Variants in KCNN2 observed in about 807,000 individuals in gnomAD.
KCNN2 encodes potassium calcium-activated channel subfamily N member 2, also known as small conductance calcium-activated potassium channel protein 2.
KCNN2 carries 24 observed loss-of-function variants against 55.5 expected under a neutral mutation model. The observed-to-expected ratio is 0.43, with a 90% CI of 0.31 to 0.61. The LOEUF (loss-of-function observed/expected upper bound fraction) is 0.61. KCNN2 is among the 20% of genes least tolerant of loss of function. The pLI is 0.08. For missense variants in KCNN2, 754 were observed against 853.6 expected (o/e 0.88, Z 1.45); for synonymous variants, 431 against 336.1 (o/e 1.28, Z -3.09).
At chr5:114,394,259 A>G (rs1014835485) in intron 2 of KCNN2, among the ~76,000 whole-genome samples, 2 of 152,156 alleles carry the variant, frequency 1.3e-5, no homozygotes, top group Admixed American at 6.5e-5. Flanking sequence ...ATTTGTTTCT[A>G]TAAGTTTAAG....
intron 1 of KCNN2, among the ~76,000 whole-genome samples, chr5:114,135,619 A>G (rs1218394297): frequency 6.6e-6 from 1 of 152,248 alleles, no homozygotes; most frequent in Non-Finnish European, 1.5e-5. Context: ...CCCACGGTTG[A>G]GCATCCATCC....
At chr5:114,427,967 G>C (rs1296173761) in intron 3 of KCNN2, among the ~76,000 whole-genome samples, 15 of 152,192 alleles carry the variant, frequency 9.9e-5, no homozygotes, top group Admixed American at 9.2e-4. Flanking sequence ...ACATCATAAT[G>C]GGCATTTGCT....
intron 2 of KCNN2, among the ~76,000 whole-genome samples, chr5:114,391,351 A>G (rs1414680462): frequency 6.6e-6 from 1 of 152,188 alleles, no homozygotes; most frequent in Non-Finnish European, 1.5e-5. Flanking sequence ...GTGTTAATGC[A>G]TACTAATCAT....
chr5:114,311,912 A>G (rs1016052988), intron 2 of KCNN2, among the ~76,000 whole-genome samples: 1 of 152,192 alleles, frequency 6.6e-6, no homozygotes, highest in African/African-American at 2.4e-5. Context: ...GAGGCCTAAT[A>G]AAATGAGGAA....
intron 4 of KCNN2, among the ~76,000 whole-genome samples, chr5:114,472,562 A>G (rs923013671): frequency 3.3e-5 from 5 of 151,686 alleles, no homozygotes; most frequent in African/African-American, 9.7e-5. Context: ...GAAGCAGTGT[A>G]TATGCTGAGA....
intron 1 of KCNN2, among the ~76,000 whole-genome samples, chr5:114,073,815 C>T (rs1750625880): frequency 6.6e-6 from 1 of 152,178 alleles, no homozygotes; most frequent in African/African-American, 2.4e-5. Context: ...AAAGCAATTT[C>T]AGGACAGAAG....
At chr5:114,336,936 T>C (rs182559374) in intron 2 of KCNN2, among the ~76,000 whole-genome samples, 241 of 152,240 alleles carry the variant, frequency 1.6e-3, no homozygotes, top group African/African-American at 4.3e-3. Context: ...TTCTGGGCCA[T>C]GGTAAGAACT....
At chr5:114,481,076 G>A (rs961024097) in intron 5 of KCNN2, among the ~76,000 whole-genome samples, 4 of 152,152 alleles carry the variant, frequency 2.6e-5, no homozygotes, top group African/African-American at 9.7e-5. Context: ...CTTTGCAGAT[G>A]ACATGATCCT....
intron 1 of KCNN2, among the ~76,000 whole-genome samples, chr5:114,205,403 G>T (rs6872938): frequency 0.39 from 59,517 of 151,978 alleles, 11,940 homozygotes; most frequent in East Asian, 0.73. Context: ...GTTACATTAA[G>T]TTTATTTTGT....
intron 2 of KCNN2, among the ~76,000 whole-genome samples, chr5:114,341,028 G>A (rs978265943): frequency 6.6e-6 from 1 of 151,972 alleles, no homozygotes; most frequent in African/African-American, 2.4e-5. Flanking sequence ...CTTTTTAAAG[G>A]GTGAATATAA....
At chr5:114,318,999 G>A (rs551412586) in intron 2 of KCNN2, among the ~76,000 whole-genome samples, 10 of 151,422 alleles carry the variant, frequency 6.6e-5, no homozygotes, top group South Asian at 2.1e-4. Context: ...GCCACTCTGC[G>A]ATTTTATCAT....
chr5:114,064,344 G>T (rs1183856334), intron 1 of KCNN2, among the ~76,000 whole-genome samples: 1 of 152,186 alleles, frequency 6.6e-6, no homozygotes, highest in African/African-American at 2.4e-5. Context: ...ACATTCTGAG[G>T]CTTCTGAGCC....
chr5:114,250,478 A>C (rs1754836647), intron 2 of KCNN2, among the ~76,000 whole-genome samples: 1 of 152,196 alleles, frequency 6.6e-6, no homozygotes, highest in Admixed American at 6.5e-5. Context: ...AGAGGTTTAG[A>C]AATGAAAGGC....
chr5:114,267,170 G>A (rs7729494), intron 2 of KCNN2, among the ~76,000 whole-genome samples: 129,774 of 152,034 alleles, frequency 0.85, 55,490 homozygotes, highest in East Asian at 0.94. Flanking sequence ...TAATTTTTGT[G>A]TTTGTAGTGA....
At chr5:114,292,524 G>T (rs1455797820) in intron 2 of KCNN2, among the ~76,000 whole-genome samples, 1 of 152,140 alleles carries the variant, frequency 6.6e-6, no homozygotes, top group Non-Finnish European at 1.5e-5. Flanking sequence ...TTATTTCTGA[G>T]GGCTCTGTTC....
chr5:114,379,240 C>T (rs978267249), intron 2 of KCNN2, among the ~76,000 whole-genome samples: 1 of 151,888 alleles, frequency 6.6e-6, no homozygotes, highest in African/African-American at 2.4e-5. Flanking sequence ...TTCTTCTGCC[C>T]ATCTCCCCAC....
At chr5:114,057,107 G>A (rs1750226143) in intron 1 of KCNN2, 1 of 152,196 alleles carries the variant, frequency 6.6e-6, no homozygotes, top group Admixed American at 6.5e-5. Context: ...TAGGGTGTGG[G>A]AATGCGCATC....
intron 5 of KCNN2, among the ~76,000 whole-genome samples, chr5:114,483,174 TATA>T (rs1229190527): frequency 5.3e-5 from 8 of 152,002 alleles, no homozygotes; most frequent in Non-Finnish European, 1.2e-4. Context: ...TGAGTCGCAA[TATA>T]ATATCTCCTG....
chr5:114,490,085 T>C (rs1747774471), intron 6 of KCNN2, among the ~76,000 whole-genome samples: 1 of 152,084 alleles, frequency 6.6e-6, no homozygotes, highest in Non-Finnish European at 1.5e-5. Context: ...CTTAGTGTCG[T>C]GAAGTGTTCT....
Sources: allele counts gnomAD v4.1 joint callset (sites outside exome capture counted in the v4.1 genomes callset), GRCh38; gene constraint gnomAD v4.1.1; transcripts MANE v1.5; gene names NCBI Gene and HGNC (gene_info 2026-07-23, HGNC 2026-07-21).